MICAL2: variants seen among roughly 807,000 people sequenced by gnomAD.
MICAL2 encodes the protein microtubule associated monooxygenase, calponin and LIM domain containing 2.
In MICAL2, 77 loss-of-function variants were observed where a neutral mutation model predicts 127.3. The observed-to-expected ratio is 0.60, with a 90% CI of 0.50 to 0.73. MICAL2 has a LOEUF of 0.73. MICAL2 is among the 30% of genes least tolerant of loss of function. The pLI, the probability that MICAL2 is intolerant of heterozygous loss-of-function variation, is 0.00. For synonymous variants in MICAL2, 570 were observed against 551.1 expected, an observed-to-expected ratio of 1.03 and a Z score of -0.48; for missense variants, 1,351 against 1,434.4, an observed-to-expected ratio of 0.94 and a Z score of 0.94.
chr11:12,278,903 G>A (rs957483844), intron 1 of MICAL2, among the ~76,000 whole-genome samples: 4 of 152,156 alleles, frequency 2.6e-5, no homozygotes, highest in African/African-American at 4.8e-5. Flanking sequence ...TTGAGATGCC[G>A]GTGTCTTTGT....
chr11:12,299,486 A>T (rs1290796186), intron 29 of MICAL2, among the ~76,000 whole-genome samples: 3 of 152,238 alleles, frequency 2.0e-5, no homozygotes, highest in Non-Finnish European at 4.4e-5. Context: ...TTTATAAGAC[A>T]ACTTTCCAAT....
intron 3 of MICAL2, among the ~76,000 whole-genome samples, chr11:12,203,769 CATTT>C (rs1209154930): frequency 6.6e-6 from 1 of 152,158 alleles, no homozygotes; most frequent in Non-Finnish European, 1.5e-5. Flanking sequence ...TTTGAAGTCT[CATTT>C]ATTAATTTTT....
chr11:12,230,098 T>C (rs1164465093), intron 15 of MICAL2, among the ~76,000 whole-genome samples: 1 of 152,226 alleles, frequency 6.6e-6, no homozygotes, highest in East Asian at 1.9e-4. Context: ...CTCTGCATTC[T>C]GTCTACCACT....
intron 23 of MICAL2, 67 bp from the exon 24 acceptor site, chr11:12,256,718 C>A: frequency 7.0e-7 from 1 of 1,427,014 alleles, no homozygotes; most frequent in Non-Finnish European, 9.5e-7. Context: ...TTTCTAAAAG[C>A]CTTGGCCTGG....
At chr11:12,335,906 CT>C (rs1280625305) in intron 32 of MICAL2, among the ~76,000 whole-genome samples, 5 of 152,170 alleles carry the variant, frequency 3.3e-5, no homozygotes, top group African/African-American at 1.2e-4. Flanking sequence ...CAGCTTTGTT[CT>C]TTTGGCTTGG....
At chr11:12,220,175 C>A (rs775267855) in intron 8 of MICAL2, 26 bp from the exon 9 acceptor site, 1 of 1,613,080 alleles carries the variant, frequency 6.2e-7, no homozygotes, top group Non-Finnish European at 8.5e-7. Flanking sequence ...GGGGAGGTTG[C>A]TGCACCATGT....
At chr11:12,317,456 CAG>C (rs1274787434) in intron 29 of MICAL2, among the ~76,000 whole-genome samples, 1 of 152,076 alleles carries the variant, frequency 6.6e-6, no homozygotes, top group East Asian at 1.9e-4. Context: ...CTAACACAGC[CAG>C]AGTGGAACAA....
chr11:12,315,486 T>G (rs184672841), intron 29 of MICAL2, among the ~76,000 whole-genome samples: 60 of 152,328 alleles, frequency 3.9e-4, no homozygotes, highest in African/African-American at 1.4e-3. Flanking sequence ...TTTCTTTTTT[T>G]GACCTATGGG....
rs564800395 is a variant in MICAL2 at position 12,338,555 on chromosome 11, G to A, written c.5516-11283G>A. Among the ~76,000 whole-genome samples, 120 of 152,296 alleles carry A rather than the reference G, an allele frequency of 7.9e-4. 1 individual carries two copies. The highest frequency in any genetic ancestry group is 1.4e-3 in the Non-Finnish European group (96 of 68,034). On this transcript the variant is annotated intron_variant, in intron 32 of 34. Transcript: ENST00000646065. ...ATGCGGTTTCTTCCTAGCCTTGATG[G>A]TCTTTACAATTTGGCATGTTTTTGC... is the stretch of plus-strand genomic sequence containing the variant.
chr11:12,192,118 T>C (rs1440551907), intron 3 of MICAL2, among the ~76,000 whole-genome samples: 2 of 146,174 alleles, frequency 1.4e-5, no homozygotes, highest in African/African-American at 5.1e-5. Context: ...GACAGCATGA[T>C]CTAAGCCTGC....
chr11:12,144,257 A>G (rs1852654120), intron 2 of MICAL2, among the ~76,000 whole-genome samples: 1 of 152,194 alleles, frequency 6.6e-6, no homozygotes. Context: ...TTTTCAGAGC[A>G]TGAGCCCAAA....
intron 3 of MICAL2, among the ~76,000 whole-genome samples, chr11:12,183,369 T>C (rs1342857560): frequency 6.6e-6 from 1 of 152,180 alleles, no homozygotes; most frequent in Non-Finnish European, 1.5e-5. Context: ...ATTAAAATGA[T>C]TGCCAGAGTC....
At chr11:12,152,458 C>CA (rs1238881167) in intron 2 of MICAL2, among the ~76,000 whole-genome samples, 2 of 152,088 alleles carry the variant, frequency 1.3e-5, no homozygotes, top group Admixed American at 6.6e-5. Flanking sequence ...GGGCACCACC[C>CA]ACTCTGTATA....
intron 24 of MICAL2, among the ~76,000 whole-genome samples, chr11:12,257,674 A>ACGGT (rs1862504990): frequency 6.6e-6 from 1 of 152,180 alleles, no homozygotes; most frequent in Non-Finnish European, 1.5e-5. Context: ...AATGAGGTTA[A>ACGGT]CGGTAGTCCT....
chr11:12,283,191 C>G (rs765943800), intron 2 of MICAL2, among the ~76,000 whole-genome samples: 11 of 152,034 alleles, frequency 7.2e-5, no homozygotes, highest in Non-Finnish European at 1.3e-4. Flanking sequence ...ATCACTTTAC[C>G]AAATAATGCA....
At chr11:12,266,076 C>T (rs1006947517), downstream of MICAL2, among the ~76,000 whole-genome samples, 2 of 152,154 alleles carry the variant, frequency 1.3e-5, no homozygotes. Context: ...CATGCCACTG[C>T]ACTCCAGCTT....
chr11:12,270,867 G>C (rs1239705038), intron 24 of MICAL2, among the ~76,000 whole-genome samples: 1 of 152,206 alleles, frequency 6.6e-6, no homozygotes, highest in Non-Finnish European at 1.5e-5. Flanking sequence ...TCATCTCCCT[G>C]GGTTCTGGGG....
chr11:12,351,412 AGT>A (rs1261183873), intron 33 of MICAL2, among the ~76,000 whole-genome samples: 1 of 152,200 alleles, frequency 6.6e-6, no homozygotes, highest in Non-Finnish European at 1.5e-5. Context: ...ACTGATATCC[AGT>A]GAGCAGAGGC....
At chr11:12,159,034 C>T (rs1277984556) in intron 2 of MICAL2, among the ~76,000 whole-genome samples, 1 of 152,210 alleles carries the variant, frequency 6.6e-6, no homozygotes, top group East Asian at 1.9e-4. Flanking sequence ...GAGCCTGGTA[C>T]AGGCTGCTGG....
Sources: allele counts gnomAD v4.1 joint callset (sites outside exome capture counted in the v4.1 genomes callset), GRCh38; gene constraint gnomAD v4.1.1; transcripts MANE v1.5; gene names NCBI Gene and HGNC (gene_info 2026-07-23, HGNC 2026-07-21).